NLGN2: variants seen among roughly 807,000 people sequenced by gnomAD.
NLGN2 encodes neuroligin 2.
NLGN2 carries 11 observed loss-of-function variants against 48.6 expected under a neutral mutation model. The observed-to-expected ratio is 0.23, with a 90% CI of 0.14 to 0.37. The LOEUF is 0.37. NLGN2 is among the 10% of genes least tolerant of loss of function. The pLI is 1.00. For synonymous variants in NLGN2, 548 were observed against 550.0 expected (o/e 1.00, Z 0.05); for missense variants, 801 against 1,225.2 (o/e 0.65, Z 5.17).
At position 7,417,425 on chromosome 17, in the gene NLGN2, C is replaced by T; in HGVS notation, c.2134C>T (p.Leu712Phe). 1 of 1,604,230 alleles carries T rather than the reference C, an allele frequency of 6.2e-7. No individual in the cohort carries two copies. Reference sequence around the variant, plus strand: ...GCGGCAGGAGCTGCGGTGCAGGCGGCTTAGCCCACCTGGCGGCTCAGGCTC... The same window carrying T: ...GCGGCAGGAGCTGCGGTGCAGGCGGTTTAGCCCACCTGGCGGCTCAGGCTC... Reference protein sequence around the residue: ...DRRQELRCRRLSPPGGSGSGV... With the variant: ...DRRQELRCRRFSPPGGSGSGV... Residue 712 changes from leucine (L) to phenylalanine (F), a missense_variant, in exon 7 of 7, where the codon CTT becomes TTT. Coordinates refer to ENST00000302926, the MANE Select transcript of NLGN2 (RefSeq NM_020795.4).
chr17:7,413,071 G>C lies in NLGN2; in HGVS notation c.508+864G>C, dbSNP rs1389866796. Among the ~76,000 whole-genome samples, 1 of 152,216 alleles carries C rather than the reference G, an allele frequency of 6.6e-6. No individual in the cohort carries two copies. The highest frequency in any genetic ancestry group is 1.5e-5 in the Non-Finnish European group (1 of 68,038). ...GACAATTAGGACAGGACCTTGGAGG[G>C]AAGGAGATTCCGGCCTGAAAGTGCT... On this transcript the variant is annotated intron_variant, in intron 2 of 6. Coordinates refer to ENST00000302926, the MANE Select transcript of NLGN2 (RefSeq NM_020795.4). The surrounding 1 kb of genome is among the most constrained non-coding windows in gnomAD (Gnocchi z 4.9).
At chr17:7,405,894 G>T (rs1056688980), upstream of NLGN2, among the ~76,000 whole-genome samples, 24 of 152,320 alleles carry the variant, frequency 1.6e-4, no homozygotes, top group African/African-American at 5.5e-4. The surrounding 1 kb of genome is among the most constrained non-coding windows in gnomAD (Gnocchi z 6.8). Flanking sequence ...CTGCAGGAAG[G>T]GGGGGCCTGC....
rs747203547 is a variant in NLGN2 at position 7,415,643 on chromosome 17, C to T, written c.1170C>T (p.Phe390=). 17 of 1,613,710 alleles carry T rather than the reference C, an allele frequency of 1.1e-5. No individual in the cohort carries two copies. The East Asian group carries it at 2.7e-4, about 25-fold the overall frequency. ...TCAACCAGGGAGAGGGCCTCAAGTT[C>T]GTGGAGGACTCTGCAGAGAGCGAGG... ...IGVNQGEGLK[F]VEDSAESEDG... is the part of the protein sequence containing the mutation. The change falls in exon 6 of 7, where the codon TTC becomes TTT. Residue 390 remains phenylalanine, a synonymous_variant. Coordinates refer to ENST00000302926, the MANE Select transcript of NLGN2 (RefSeq NM_020795.4).
At chr17:7,410,451 G>A (rs1487195226) in intron 1 of NLGN2, among the ~76,000 whole-genome samples, 1 of 151,892 alleles carries the variant, frequency 6.6e-6, no homozygotes, top group Non-Finnish European at 1.5e-5. Flanking sequence ...CAGAAGAGCT[G>A]TGCACACCAC....
chr17:7,416,184 A>G (rs1907094977), intron 6 of NLGN2, 77 bp downstream of exon 6: 7 of 1,205,418 alleles, frequency 5.8e-6, no homozygotes, highest in South Asian at 1.2e-5. Context: ...CTGTTAAGGC[A>G]CTCACTCTGG....
In NLGN2 at chr17:7,413,104, C is replaced by CA. The variant is rs1265832670; in HGVS notation, c.508+898dup. Among the ~76,000 whole-genome samples, 4 of 152,142 alleles carry CA rather than the reference C, an allele frequency of 2.6e-5. No individual in the cohort carries two copies. Among genetic ancestry groups the CA allele is most frequent in the Non-Finnish European group, 2.9e-5 (2 of 68,034 alleles). The stretch of plus-strand genomic sequence containing the variant: ...TTCCGGCCTGAAAGTGCTGGGAGGT[C>CA]ACTTGAGGTTCAGGAGCAAAGGAGA... On this transcript the variant is annotated intron_variant, in intron 2 of 6. Transcript: ENST00000302926. The surrounding 1 kb of genome is among the most constrained non-coding windows in gnomAD (Gnocchi z 4.9).
intron 1 of NLGN2, among the ~76,000 whole-genome samples, chr17:7,410,929 A>G (rs1341984282): frequency 1.3e-5 from 2 of 152,080 alleles, no homozygotes; most frequent in East Asian, 1.9e-4. Flanking sequence ...GCGGGTCCCC[A>G]TGGGGCCATC....
In NLGN2 at chr17:7,408,194, C is replaced by A. The variant is rs994128376; in HGVS notation, c.-62C>A. 1.8e-5 allele frequency: 17 copies of A among 935,268 alleles called. No individual in the cohort carries two copies. The highest frequency in any genetic ancestry group is 3.6e-4 in the Middle Eastern group (1 of 2,780). The allele number at this position is 935,268 out of a possible 1,614,324, so 57.9% of individuals were successfully genotyped here. On this transcript the variant is annotated 5_prime_UTR_variant, in exon 1 of 7. Transcript: ENST00000302926. The surrounding 1 kb of genome is among the most constrained non-coding windows in gnomAD (Gnocchi z 7.5). The stretch of plus-strand genomic sequence containing the variant: ...GAGGGGGGCCTCCCTCCCTCTCCCC[C>A]CCTTCTCTCTCTCTCCGAGGGGGGG...
In NLGN2 at chr17:7,417,592, C is replaced by T. The variant is rs921834798; in HGVS notation, c.2301C>T (p.Pro767=). 19 of 1,429,034 alleles carry T rather than the reference C, an allele frequency of 1.3e-5. No homozygotes were observed. The highest frequency in any genetic ancestry group is 1.1e-4 in the Admixed American group (4 of 35,908). 88.5% of individuals were successfully genotyped at this position (1,429,034 alleles called of 1,614,324 possible). ...PAEALRPACP[P]DYTLALRRAP... is the part of the protein sequence containing the mutation. ...AGGCTCTGCGCCCTGCCTGCCCGCCCGACTACACCCTGGCCCTGCGCCGGG... is the reference window on the plus strand; with the variant it reads ...AGGCTCTGCGCCCTGCCTGCCCGCCTGACTACACCCTGGCCCTGCGCCGGG... The change falls in exon 7 of 7, where the codon CCC becomes CCT. Residue 767 remains proline, a synonymous_variant. Coordinates refer to ENST00000302926, the MANE Select transcript of NLGN2 (RefSeq NM_020795.4).
In NLGN2 at chr17:7,417,774, A is replaced by T; in HGVS notation, c.2483A>T (p.His828Leu). The change falls in exon 7 of 7, where the codon CAC (histidine) becomes CTC (leucine). Residue 828 changes from histidine (H) to leucine (L), a missense_variant. By Grantham distance (99) the His-to-Leu change is moderately conservative. Coordinates refer to ENST00000302926, the MANE Select transcript of NLGN2 (RefSeq NM_020795.4). ...ACCAGCCACAACAACACGCTACCCC[A>T]CCCCCACTCCACCACTCGGGTATAG... ...TATSHNNTLP[H>L]PHSTTRV The T allele has an allele frequency of 8.2e-7, 1 of 1,223,936 alleles. No homozygotes were observed. The highest frequency in any genetic ancestry group is 3.3e-5 in the East Asian group (1 of 29,936). The allele number at this position is 1,223,936 out of a possible 1,614,324, so 75.8% of individuals were successfully genotyped here. A position where few individuals can be genotyped will look rare whatever the true frequency, so the allele number is the denominator to read the frequency against.
At chr17:7,407,045 A>G (rs965307029), upstream of NLGN2, among the ~76,000 whole-genome samples, 9 of 151,976 alleles carry the variant, frequency 5.9e-5, no homozygotes, top group Non-Finnish European at 1.0e-4. Flanking sequence ...GGTGCCCCCA[A>G]TCTCCCCCTC....
At position 7,416,030 on chromosome 17, in the gene NLGN2, C is replaced by T. The variant is rs771289226; in HGVS notation, c.1557C>T (p.Phe519=). Residue 519 remains phenylalanine, a synonymous_variant, in exon 6 of 7, where the codon TTC becomes TTT. Transcript: ENST00000302926. ...GVPMVGATDL[F]PCNFSKNDVM... is the part of the protein sequence containing the mutation. ...CCATGGTGGGTGCCACCGACCTCTT[C>T]CCCTGTAACTTCTCCAAGAATGACG... The T allele has an allele frequency of 6.2e-7, 1 of 1,614,162 alleles. No individual in the cohort carries two copies. The highest frequency in any genetic ancestry group is 1.6e-4 in the Middle Eastern group (1 of 6,062).
In NLGN2 at chr17:7,417,153, G is replaced by T; in HGVS notation, c.1862G>T (p.Arg621Leu). ...ACGGAGCTCTTCACCACCACCACGC[G>T]CCTGCCTCCCTACGCCACGCGCTGG... Reference protein sequence around the residue: ...LHTELFTTTTRLPPYATRWPP... With the variant: ...LHTELFTTTTLLPPYATRWPP... The change falls in exon 7 of 7, where the codon CGC (arginine) becomes CTC (leucine). Residue 621 changes from arginine to leucine, a missense_variant. By Grantham distance (102) the Arg-to-Leu change is moderately radical. Coordinates refer to ENST00000302926, the MANE Select transcript of NLGN2 (RefSeq NM_020795.4). The T allele has an allele frequency of 6.2e-7, 1 of 1,605,058 alleles. No individual in the cohort carries two copies. Among genetic ancestry groups the T allele is most frequent in the Non-Finnish European group, 8.5e-7 (1 of 1,178,220 alleles).
At position 7,408,251 on chromosome 17, in the gene NLGN2, T is replaced by C; in HGVS notation, c.-5T>C. The C allele has an allele frequency of 2.4e-6, 3 of 1,252,338 alleles. No homozygotes were observed. Among genetic ancestry groups the C allele is most frequent in the Non-Finnish European group, 3.0e-6 (3 of 993,628 alleles). 77.6% of individuals were successfully genotyped at this position (1,252,338 alleles called of 1,614,324 possible). On this transcript the variant is annotated 5_prime_UTR_variant, in exon 1 of 7. Coordinates refer to ENST00000302926, the MANE Select transcript of NLGN2 (RefSeq NM_020795.4). This position sits in a 1 kb window ranked among gnomAD's most constrained non-coding sequence, Gnocchi z 7.5. ...CAGGGAGGGAGGGGGGGTCCCCCGA[T>C]CAGCATGTGGCTCCTGGCGCTGTGT...
In NLGN2 at chr17:7,408,170, AG is replaced by A. The variant is rs989412548; in HGVS notation, c.-80del. 6.2e-6 allele frequency: 4 copies of A among 649,562 alleles called. No homozygotes were observed. The highest frequency in any genetic ancestry group is 4.6e-5 in the Admixed American group (1 of 21,856). The allele number at this position is 649,562 out of a possible 1,614,324, so 40.2% of individuals were successfully genotyped here. On this transcript the variant is annotated 5_prime_UTR_variant, in exon 1 of 7. Coordinates refer to ENST00000302926, the MANE Select transcript of NLGN2 (RefSeq NM_020795.4). The surrounding 1 kb of genome is among the most constrained non-coding windows in gnomAD (Gnocchi z 7.5). ...CCCGCCCCTCCTCCCTCCTGGGGCG[AG>A]GGGGGCCTCCCTCCCTCTCCCCCCC...
rs750694852 is a variant in NLGN2, at chr17:7,415,605, A to T, written c.1132A>T (p.Met378Leu). The T allele has an allele frequency of 6.2e-7, 1 of 1,613,860 alleles. No homozygotes were observed. Among genetic ancestry groups the T allele is most frequent in the South Asian group, 1.1e-5 (1 of 91,088 alleles). Residue 378 changes from methionine to leucine, a missense_variant, in exon 6 of 7, where the codon ATG becomes TTG. Around this residue, in one of 5 missense-constraint regions of NLGN2, gnomAD observed 303 missense variants for 600.1 expected, o/e 0.50. Transcript: ENST00000302926. ...GCAGGGAGAATTCCTCAACTACGAC[A>T]TGCTCATCGGCGTCAACCAGGGAGA... ...MQQGEFLNYD[M>L]LIGVNQGEGL...
upstream of NLGN2, among the ~76,000 whole-genome samples, chr17:7,406,893 C>G (rs375692332): frequency 2.5e-3 from 388 of 152,168 alleles, 2 homozygotes; most frequent in African/African-American, 8.4e-3. Context: ...TCCAAGGTTG[C>G]TTGAAATTGC....
At chr17:7,410,928 C>T (rs1397778512) in intron 1 of NLGN2, among the ~76,000 whole-genome samples, 1 of 152,246 alleles carries the variant, frequency 6.6e-6, no homozygotes, top group Non-Finnish European at 1.5e-5. Context: ...AGCGGGTCCC[C>T]ATGGGGCCAT....
At position 7,417,291 on chromosome 17, in the gene NLGN2, G is replaced by T; in HGVS notation, c.2000G>T (p.Gly667Val). 6.2e-7 allele frequency: 1 copy of T among 1,602,114 alleles called. No individual in the cohort carries two copies. ...CCAAGGGCCTATGACCGCTTCCCCG[G>T]GGACTCACGGGACTACTCCACGGAG... ...PGPRAYDRFP[G>V]DSRDYSTELS... The change falls in exon 7 of 7, where the codon GGG becomes GTG. Residue 667 changes from glycine (G) to valine (V), a missense_variant. Transcript: ENST00000302926.
Sources: allele counts gnomAD v4.1 joint callset (sites outside exome capture counted in the v4.1 genomes callset), GRCh38; gene constraint gnomAD v4.1.1; regional missense constraint gnomAD v4.1.1; non-coding constraint Gnocchi (gnomAD v3.1); transcripts MANE v1.5; gene names NCBI Gene and HGNC (gene_info 2026-07-23, HGNC 2026-07-21).